Variants in ZDHHC20 observed in about 807,000 individuals in gnomAD.
ZDHHC20 encodes palmitoyltransferase ZDHHC20.
Under a neutral mutation model 57.8 loss-of-function variants are expected in ZDHHC20, and 43 were observed. The observed-to-expected ratio is 0.74, with a 90% confidence interval of 0.58 to 0.96. ZDHHC20 has a LOEUF of 0.96. Among genes scored for constraint, ZDHHC20 ranks in the 40% least tolerant of loss-of-function variants. ZDHHC20 has a pLI of 0.00. For synonymous variants in ZDHHC20, 157 were observed against 153.0 expected, an observed-to-expected ratio of 1.03 and a Z score of -0.19; for missense variants, 391 against 441.1, an observed-to-expected ratio of 0.89 and a Z score of 1.02.
At chr13:21,402,716 A>G in intron 5 of ZDHHC20, 81 bp downstream of exon 5, 2 of 1,190,250 alleles carry the variant, frequency 1.7e-6, no homozygotes, top group South Asian at 2.6e-5. Flanking sequence ...TGTAAAGCAT[A>G]TAAAATGTTC....
At chr13:21,437,091 CACAA>C (rs1882631536) in intron 1 of ZDHHC20, among the ~76,000 whole-genome samples, 1 of 152,138 alleles carries the variant, frequency 6.6e-6, no homozygotes, top group African/African-American at 2.4e-5. Flanking sequence ...CCAAACCAGC[CACAA>C]ACATTCCCTT....
intron 10 of ZDHHC20, chr13:21,381,765 G>T (rs1339258821): frequency 5.2e-6 from 3 of 582,154 alleles, no homozygotes; most frequent in East Asian, 2.9e-5. Flanking sequence ...TTCCAACACT[G>T]CCAATGAAAA....
intron 8 of ZDHHC20, among the ~76,000 whole-genome samples, chr13:21,389,367 C>G (rs112447547): frequency 6.6e-6 from 1 of 152,290 alleles, no homozygotes; most frequent in African/African-American, 2.4e-5. Context: ...AACACCTTAA[C>G]AGACCACATA....
Position 21,455,479 on chromosome 13 carries a change from A to G in ZDHHC20, c.118+3575T>C, listed in dbSNP as rs73153962. On this transcript the variant is annotated intron_variant, in intron 1 of 12. Coordinates refer to ENST00000400590, the MANE Select transcript of ZDHHC20 (RefSeq NM_001330059.2). ...TTAAATATCAACCCTGGGGAAAAAA[A>G]ATCATACGAGAATTTCAGTCTAATT... 4.4e-3 allele frequency among the ~76,000 whole-genome samples: 667 copies of G among 152,304 alleles called. 3 individuals carry two copies. Among genetic ancestry groups the G allele is most frequent in the Non-Finnish European group, 7.7e-3 (526 of 68,020 alleles).
chr13:21,455,434 T>C (rs1884832106), intron 1 of ZDHHC20, among the ~76,000 whole-genome samples: 1 of 152,104 alleles, frequency 6.6e-6, no homozygotes, highest in Non-Finnish European at 1.5e-5. Flanking sequence ...AGAGAAGAAG[T>C]TATTCAATCC....
chr13:21,418,793 C>T (rs1880306245), intron 3 of ZDHHC20, among the ~76,000 whole-genome samples: 1 of 152,154 alleles, frequency 6.6e-6, no homozygotes, highest in Non-Finnish European at 1.5e-5. Flanking sequence ...CCCACCTCAG[C>T]CTCCCGAGTA....
chr13:21,393,699 C>CAAAAAAAA (rs71093307), intron 7 of ZDHHC20, among the ~76,000 whole-genome samples: 3 of 63,414 alleles, frequency 4.7e-5, no homozygotes, highest in African/African-American at 2.3e-4. Flanking sequence ...GCAAGTCTCA[C>CAAAAAAAA]AAAAAAAAAA....
At chr13:21,410,021 T>C (rs1878994268) in intron 4 of ZDHHC20, among the ~76,000 whole-genome samples, 1 of 152,222 alleles carries the variant, frequency 6.6e-6, no homozygotes, top group Non-Finnish European at 1.5e-5. Flanking sequence ...TTCGTGGATT[T>C]ATCTACCTTT....
intron 9 of ZDHHC20, among the ~76,000 whole-genome samples, chr13:21,385,456 T>C (rs1394606651): frequency 6.6e-6 from 1 of 152,088 alleles, no homozygotes; most frequent in Non-Finnish European, 1.5e-5. Context: ...ATTTTAAAAA[T>C]CTTAAGTGAA....
At chr13:21,415,204 T>C (rs1879798641) in intron 3 of ZDHHC20, among the ~76,000 whole-genome samples, 2 of 152,222 alleles carry the variant, frequency 1.3e-5, no homozygotes, top group Non-Finnish European at 1.5e-5. Context: ...ACTTAGGCAA[T>C]TTTCTAAGAT....
At chr13:21,458,922 G>T in intron 1 of ZDHHC20, 132 bp downstream of exon 1, 2 of 613,626 alleles carry the variant, frequency 3.3e-6, no homozygotes, top group African/African-American at 2.0e-5. Flanking sequence ...CGGCGCTTCC[G>T]AGCGCGTTCG....
At position 21,375,602 on chromosome 13, in the gene ZDHHC20, C is replaced by T. The variant is rs967465027; in HGVS notation, c.*1094G>A. 2.0e-5 allele frequency: 3 copies of T among 153,180 alleles called. No homozygotes were observed. The highest frequency in any genetic ancestry group is 7.2e-5 in the African/African-American group (3 of 41,430). 9.5% of individuals were successfully genotyped at this position (153,180 alleles called of 1,614,324 possible). On this transcript the variant is annotated 3_prime_UTR_variant, in exon 13 of 13. Coordinates refer to ENST00000400590, the MANE Select transcript of ZDHHC20 (RefSeq NM_001330059.2). ...AAAATGACCACTCAGGTTAGAATTT[C>T]CAACTGACAGCCAGGAGGAAAACTT...
At chr13:21,398,407 T>A (rs917088693) in intron 7 of ZDHHC20, among the ~76,000 whole-genome samples, 1 of 150,052 alleles carries the variant, frequency 6.7e-6, no homozygotes, top group African/African-American at 2.5e-5. Flanking sequence ...GAGCTGGCAG[T>A]GAGCCAAGAT....
Position 21,400,424 on chromosome 13 carries a change from A to C in ZDHHC20, c.543T>G (p.Tyr181Ter). ...AAACTGTTGCAGCCACGAAAAGGCAATATAATAGGGAATACAATAAAAACA... is the reference window on the plus strand; with the variant it reads ...AAACTGTTGCAGCCACGAAAAGGCACTATAATAGGGAATACAATAAAAACA... ...FLLFLLYSLLYCLFVAATVLE... is the reference protein window; with the variant it reads ...FLLFLLYSLL The change falls in exon 7 of 13, where the codon TAT (tyrosine) becomes TAG (stop). Residue 181 changes from tyrosine to a stop codon, truncating the protein, a stop_gained. Coordinates refer to ENST00000400590, the MANE Select transcript of ZDHHC20 (RefSeq NM_001330059.2). LOFTEE classifies it high-confidence loss of function. 6.2e-7 allele frequency: 1 copy of C among 1,603,854 alleles called. No individual in the cohort carries two copies. The highest frequency in any genetic ancestry group is 8.5e-7 in the Non-Finnish European group (1 of 1,176,192).
At chr13:21,426,085 T>C (rs1433983541) in intron 1 of ZDHHC20, among the ~76,000 whole-genome samples, 3 of 152,254 alleles carry the variant, frequency 2.0e-5, no homozygotes, top group African/African-American at 7.2e-5. Context: ...AAGACAAATG[T>C]ATTTTTCTAA....
intron 1 of ZDHHC20, among the ~76,000 whole-genome samples, chr13:21,446,994 C>T (rs1883771412): frequency 6.6e-6 from 1 of 151,876 alleles, no homozygotes; most frequent in Non-Finnish European, 1.5e-5. Flanking sequence ...GGACGCCAGT[C>T]AAGATCTTGA....
rs1882003674 is a variant in ZDHHC20 at position 21,431,895 on chromosome 13, C to G, written c.119-6217G>C. 2.0e-5 allele frequency among the ~76,000 whole-genome samples: 3 copies of G among 152,146 alleles called. No individual in the cohort carries two copies. In the South Asian group the frequency reaches 6.2e-4, roughly 31 times the overall value. ...GCCAATATTTTCTCCTAGGCCATAA[C>G]TTGCCTCTTTATATTTTTAACAGTG... is the stretch of plus-strand genomic sequence containing the variant. On this transcript the variant is annotated intron_variant, in intron 1 of 12. Transcript: ENST00000400590.
chr13:21,402,781 T>A lies in ZDHHC20; in HGVS notation c.440+16A>T. ...TCCAGTGCTAGATATTAAGCATATG[T>A]GTGAGTAACACTTACGAGTCACAGG... On this transcript the variant is annotated intron_variant, in intron 5 of 12. Transcript: ENST00000400590. 6.3e-7 allele frequency: 1 copy of A among 1,586,802 alleles called. No homozygotes were observed. The highest frequency in any genetic ancestry group is 8.6e-7 in the Non-Finnish European group (1 of 1,165,400).
intron 5 of ZDHHC20, among the ~76,000 whole-genome samples, chr13:21,402,554 T>C (rs1043646396): frequency 2.6e-5 from 4 of 152,218 alleles, no homozygotes; most frequent in Admixed American, 6.5e-5. Context: ...AGCACAAGCA[T>C]AGACAGCATA....
Sources: allele counts gnomAD v4.1 joint callset (sites outside exome capture counted in the v4.1 genomes callset), GRCh38; gene constraint gnomAD v4.1.1; transcripts MANE v1.5; gene names NCBI Gene and HGNC (gene_info 2026-07-23, HGNC 2026-07-21).